HECTD4: variants seen among roughly 807,000 people sequenced by gnomAD.
HECTD4 encodes the protein HECT domain E3 ubiquitin protein ligase 4.
A neutral mutation model predicts 471.5 loss-of-function variants in HECTD4; 114 were observed. The observed-to-expected ratio is 0.24, with a 90% CI of 0.21 to 0.28. The LOEUF is 0.28. Ranked by LOEUF, HECTD4 falls within the 10% of genes least tolerant of loss-of-function variation. The probability of loss-of-function intolerance (pLI) is 1.00; values close to 1 mark genes in which losing one functional copy is unlikely to be tolerated. For missense variants in HECTD4, 3,866 were observed against 5,651.5 expected, an observed-to-expected ratio of 0.68 and a Z score of 10.13; for synonymous variants, 2,012 against 2,256.0, an observed-to-expected ratio of 0.89 and a Z score of 3.07.
Position 112,213,695 on chromosome 12 carries a change from T to C in HECTD4, c.7466-1045A>G, listed in dbSNP as rs2032831115. The stretch of plus-strand genomic sequence containing the variant: ...AGCAAGACTCCGTCTCAAAAAAATA[T>C]ATACATATATATATATATATATATA... On this transcript the variant is annotated intron_variant, in intron 48 of 75. Coordinates refer to ENST00000682272, the MANE Select transcript of HECTD4 (RefSeq NM_001388303.1). This position sits in a 1 kb window ranked among gnomAD's most constrained non-coding sequence, Gnocchi z 4.0. 7.8e-6 allele frequency among the ~76,000 whole-genome samples: 1 copy of C among 128,734 alleles called. No individual in the cohort carries two copies. Among genetic ancestry groups the C allele is most frequent in the African/African-American group, 3.2e-5 (1 of 31,314 alleles). The allele number at this position is 128,734 out of a possible 152,430, so 84.5% of individuals were successfully genotyped here. A position where few individuals can be genotyped will look rare whatever the true frequency, so the allele number is the denominator to read the frequency against.
At chr12:112,277,613 A>G (rs1236994576) in intron 9 of HECTD4, among the ~76,000 whole-genome samples, 1 of 151,996 alleles carries the variant, frequency 6.6e-6, no homozygotes, top group Admixed American at 6.6e-5. Context: ...TAAGGAGAAA[A>G]CCTCACTCCA....
chr12:112,164,707 C>T (rs572503467), intron 72 of HECTD4, among the ~76,000 whole-genome samples: 2 of 151,510 alleles, frequency 1.3e-5, no homozygotes, highest in African/African-American at 2.4e-5. Context: ...TGCAACCCCT[C>T]GCCTCCTGGG....
At chr12:112,335,121 C>T (rs944877966) in intron 1 of HECTD4, among the ~76,000 whole-genome samples, 4 of 145,080 alleles carry the variant, frequency 2.8e-5, no homozygotes, top group African/African-American at 1.0e-4. Flanking sequence ...CATCAACCAA[C>T]AAGTGGATAA....
At position 112,166,160 on chromosome 12, in the gene HECTD4, G is replaced by C. The variant is rs1329078011; in HGVS notation, c.12534+1157C>G. 1 of 152,282 alleles carries C rather than the reference G, an allele frequency of 6.6e-6. No individual in the cohort carries two copies. Among genetic ancestry groups the C allele is most frequent in the African/African-American group, 2.4e-5 (1 of 41,444 alleles). The allele number at this position is 152,282 out of a possible 1,614,324, so 9.4% of individuals were successfully genotyped here. ...ACCCAGAGCCCCAGGAGGACTCCTC[G>C]GAGGAGTGCAGGAGACGCATAAACC... On this transcript the variant is annotated intron_variant, in intron 72 of 75. Transcript: ENST00000682272. The surrounding 1 kb of genome is among the most constrained non-coding windows in gnomAD (Gnocchi z 4.6).
In HECTD4 at chr12:112,183,087, T is replaced by A; in HGVS notation, c.10959A>T (p.Glu3653Asp). The change falls in exon 62 of 76, where the codon GAA (glutamate) becomes GAT (aspartate). Residue 3653 changes from glutamate to aspartate, a missense_variant. Glu to Asp is a conservative substitution (Grantham distance 45). This residue lies in a region of HECTD4 where 715 missense variants were observed against 1,087.6 expected (regional missense o/e 0.66). Transcript: ENST00000682272. ...TAATTGACTTATCATTGAAATAATC[T>A]TCTAACCCTGGGCTCCCTTGAGTAT... ...LFDTQGSPGLEDYFNDKSIKG... is the reference protein window; with the variant it reads ...LFDTQGSPGLDDYFNDKSIKG... 1 of 1,613,578 alleles carries A rather than the reference T, an allele frequency of 6.2e-7. No individual in the cohort carries two copies.
Position 112,193,575 on chromosome 12 carries a change from T to C in HECTD4, c.8849A>G (p.Asn2950Ser), listed in dbSNP as rs375726754. 4.3e-6 allele frequency: 7 copies of C among 1,612,942 alleles called. No individual in the cohort carries two copies. The African/African-American group carries it at 6.7e-5, about 15-fold the overall frequency. ...CSATDLFYQGNSQTVREWLNV... is the reference protein window; with the variant it reads ...CSATDLFYQGSSQTVREWLNV... ...GAGCCACTCTCTCACTGTCTGGGAG[T>C]TGCCCTGGTAAAAGAGGTCCGTGGC... The change falls in exon 57 of 76, where the codon AAC (asparagine) becomes AGC (serine). Residue 2950 changes from asparagine to serine, a missense_variant. Physicochemically the swap from Asn to Ser is conservative, Grantham distance 46. Transcript: ENST00000682272. The surrounding 1 kb of genome is among the most constrained non-coding windows in gnomAD (Gnocchi z 5.2).
At chr12:112,327,305 A>C (rs1173174303) in intron 1 of HECTD4, among the ~76,000 whole-genome samples, 5 of 152,190 alleles carry the variant, frequency 3.3e-5, no homozygotes, top group Non-Finnish European at 7.3e-5. Context: ...CGACAGAGCA[A>C]AACTCCATCT....
intron 1 of HECTD4, among the ~76,000 whole-genome samples, chr12:112,333,640 G>A (rs566016576): frequency 1.3e-5 from 2 of 152,196 alleles, no homozygotes; most frequent in South Asian, 2.1e-4. Flanking sequence ...TTGAGCCCAC[G>A]AGTTCAAGAC....
At chr12:112,174,839 G>A (rs769328886) in intron 66 of HECTD4, among the ~76,000 whole-genome samples, 3 of 152,186 alleles carry the variant, frequency 2.0e-5, no homozygotes, top group Non-Finnish European at 4.4e-5. Context: ...GAGGCACCGC[G>A]CCTGGCCTGG....
At position 112,238,252 on chromosome 12, in the gene HECTD4, G is replaced by A. The variant is rs554095217; in HGVS notation, c.5290+800C>T. ...TTTTTTTGAAACAGGGTCTCGCTCT[G>A]TTGCCCAGGGAGTGTAGTGGCACGA... On this transcript the variant is annotated intron_variant, in intron 34 of 75. Coordinates refer to ENST00000682272, the MANE Select transcript of HECTD4 (RefSeq NM_001388303.1). Among the ~76,000 whole-genome samples the A allele has an allele frequency of 5.9e-5, 9 of 151,952 alleles. No homozygotes were observed. The South Asian group carries it at 6.2e-4, about 11-fold the overall frequency.
chr12:112,324,022 C>CT (rs1280326445), intron 1 of HECTD4, among the ~76,000 whole-genome samples: 15 of 46,644 alleles, frequency 3.2e-4, no homozygotes, highest in Admixed American at 5.4e-4. Flanking sequence ...TCCTTCCTTC[C>CT]TTCCTTCCTT....
Position 112,283,241 on chromosome 12 carries a change from T to C in HECTD4, c.1397A>G (p.Glu466Gly), listed in dbSNP as rs2034679718. 1 of 1,613,730 alleles carries C rather than the reference T, an allele frequency of 6.2e-7. No homozygotes were observed. Among genetic ancestry groups the C allele is most frequent in the Admixed American group, 1.7e-5 (1 of 59,994 alleles). Residue 466 changes from glutamate (E) to glycine (G), a missense_variant, in exon 8 of 76, where the codon GAG (glutamate) becomes GGG (glycine). Glu to Gly is a moderately conservative substitution (Grantham distance 98). This residue lies in a region of HECTD4 where 440 missense variants were observed against 636.0 expected (regional missense o/e 0.69). Transcript: ENST00000682272. Reference protein sequence around the residue: ...LQERTILMRKEGESAKSINEM... With the variant: ...LQERTILMRKGGESAKSINEM... ...ATTAATGCTTTTGGCAGATTCGCCC[T>C]CTTTTCTCATTAGAATTGTACGTTC... is the stretch of plus-strand genomic sequence containing the variant.
At chr12:112,275,039 T>G in intron 9 of HECTD4, 79 bp from the exon 10 acceptor site, 1 of 871,364 alleles carries the variant, frequency 1.1e-6, no homozygotes, top group South Asian at 1.7e-5. Context: ...TTAACAAGAC[T>G]TTTATAAAAA....
In HECTD4 at chr12:112,194,844, G is replaced by A. The variant is rs1479225436; in HGVS notation, c.8749+41C>T. On this transcript the variant is annotated intron_variant, in intron 56 of 75. Coordinates refer to ENST00000682272, the MANE Select transcript of HECTD4 (RefSeq NM_001388303.1). The surrounding 1 kb of genome is among the most constrained non-coding windows in gnomAD (Gnocchi z 4.6). ...CTACACTGTGCACAGCGCCCGCCTG[G>A]TGCTAAGTTCCAGAGTGACAGCAGC... 3 of 1,562,192 alleles carry A rather than the reference G, an allele frequency of 1.9e-6. No individual in the cohort carries two copies. Among genetic ancestry groups the A allele is most frequent in the Non-Finnish European group, 8.7e-7 (1 of 1,147,042 alleles).
At chr12:112,198,468 G>C (rs1593920569) in intron 55 of HECTD4, among the ~76,000 whole-genome samples, 1 of 152,292 alleles carries the variant, frequency 6.6e-6, no homozygotes, top group South Asian at 2.1e-4. Context: ...ATTAGAGGAG[G>C]GAGAGCTGAT....
rs771589029 is a variant in HECTD4 at position 112,216,892 on chromosome 12, G to A, written c.7266C>T (p.Ile2422=). 1.3e-5 allele frequency: 21 copies of A among 1,613,848 alleles called. No homozygotes were observed. Among genetic ancestry groups the A allele is most frequent in the South Asian group, 2.2e-5 (2 of 91,078 alleles). Residue 2422 remains isoleucine (I), a synonymous_variant, in exon 47 of 76, where the codon ATC becomes ATT. Transcript: ENST00000682272. ...CATCATCGGTGTCTCCATAGGAAAC[G>A]ATTTCAATTTCCCAGTAAAAAGACG... is the stretch of plus-strand genomic sequence containing the variant. ...QAPSFYWEIE[I]VSYGDTDDDT... is the part of the protein sequence containing the mutation.
intron 1 of HECTD4, among the ~76,000 whole-genome samples, chr12:112,326,718 A>G (rs2035752724): frequency 6.6e-6 from 1 of 152,196 alleles, no homozygotes; most frequent in Admixed American, 6.5e-5. Context: ...ATATAAGGAC[A>G]TTAACTAGAC....
At chr12:112,272,463 C>T (rs1170071460) in intron 11 of HECTD4, among the ~76,000 whole-genome samples, 1 of 152,200 alleles carries the variant, frequency 6.6e-6, no homozygotes, top group East Asian at 1.9e-4. Flanking sequence ...ACACCTTGAG[C>T]CAGTAATACT....
chr12:112,324,758 T>C (rs2035706898), intron 1 of HECTD4, among the ~76,000 whole-genome samples: 1 of 152,176 alleles, frequency 6.6e-6, no homozygotes, highest in African/African-American at 2.4e-5. Context: ...TTTTCAATGA[T>C]ATGAAAAACT....
Sources: allele counts gnomAD v4.1 joint callset (sites outside exome capture counted in the v4.1 genomes callset), GRCh38; gene constraint gnomAD v4.1.1; regional missense constraint gnomAD v4.1.1; non-coding constraint Gnocchi (gnomAD v3.1); transcripts MANE v1.5; gene names NCBI Gene and HGNC (gene_info 2026-07-23, HGNC 2026-07-21).